The following MAD1L1 variants were observed in gnomAD, a reference collection of about 807,000 sequenced individuals.
MAD1L1 encodes mitotic arrest deficient 1 like 1, also known as mitotic spindle assembly checkpoint protein MAD1.
MAD1L1 carries 95 observed loss-of-function variants against 96.9 expected under a neutral mutation model. That is an observed-to-expected ratio of 0.98 (90% CI 0.83 to 1.16). The LOEUF is 1.16. MAD1L1 is among the 50% of genes most tolerant of loss of function. The pLI is 0.00. For synonymous variants in MAD1L1, 473 were observed against 396.6 expected, an observed-to-expected ratio of 1.19 and a Z score of -2.29; for missense variants, 1,007 against 954.4, an observed-to-expected ratio of 1.06 and a Z score of -0.73.
At chr7:2,065,536 C>T (rs1784842167) in intron 12 of MAD1L1, among the ~76,000 whole-genome samples, 1 of 152,198 alleles carries the variant, frequency 6.6e-6, no homozygotes, top group African/African-American at 2.4e-5. Context: ...CGTCACCAAC[C>T]CCAGCTTCGG....
intron 16 of MAD1L1, among the ~76,000 whole-genome samples, chr7:1,955,405 C>G (rs1779682637): frequency 6.6e-6 from 1 of 152,208 alleles, no homozygotes; most frequent in African/African-American, 2.4e-5. Context: ...ATTCTCCTGC[C>G]TCAGCCTCCT....
In MAD1L1 at chr7:2,216,264, C is replaced by T. The variant is rs756914626; in HGVS notation, c.702G>A (p.Leu234=). Residue 234 remains leucine, a synonymous_variant, in exon 8 of 19, where the codon CTG becomes CTA. Coordinates refer to ENST00000265854, the MANE Select transcript of MAD1L1 (RefSeq NM_001013836.2). The part of the protein sequence containing the change: ...QIKDLEQKLS[L]QEQDAAIVKN... ...TCACAATCGCTGCATCCTGCTCTTG[C>T]AGGGACAGCTTCTGCTCCAGATCCT... 6.2e-7 allele frequency: 1 copy of T among 1,614,068 alleles called. No individual in the cohort carries two copies.
At chr7:2,002,224 T>C in intron 13 of MAD1L1, 103 bp from the exon 14 acceptor site, 1 of 1,183,822 alleles carries the variant, frequency 8.4e-7, no homozygotes, top group Non-Finnish European at 1.2e-6. Context: ...CTCCACTCTC[T>C]GGGGAGCAAC....
At chr7:2,019,067 A>G (rs1281401524) in intron 12 of MAD1L1, among the ~76,000 whole-genome samples, 2 of 152,194 alleles carry the variant, frequency 1.3e-5, no homozygotes. Flanking sequence ...CAAGAAACTG[A>G]ATAGATTCAG....
intron 16 of MAD1L1, among the ~76,000 whole-genome samples, chr7:1,942,016 C>G (rs1438030096): frequency 2.6e-5 from 4 of 152,186 alleles, no homozygotes; most frequent in Non-Finnish European, 5.9e-5. Flanking sequence ...ACCACCCACC[C>G]GCTCACGTCC....
intron 17 of MAD1L1, among the ~76,000 whole-genome samples, chr7:1,904,560 AGT>A: frequency 7.7e-6 from 1 of 129,332 alleles, no homozygotes; most frequent in East Asian, 2.2e-4. Context: ...GCGAGGACGC[AGT>A]GGCCTACGGA....
intron 10 of MAD1L1, among the ~76,000 whole-genome samples, chr7:2,173,201 C>T (rs1007036171): frequency 2.0e-5 from 3 of 152,326 alleles, no homozygotes; most frequent in South Asian, 4.1e-4. Flanking sequence ...TTCCTCTAGA[C>T]GATAGGCTTT....
At position 1,995,756 on chromosome 7, in the gene MAD1L1, G is replaced by T. The variant is rs1208449986; in HGVS notation, c.1416+6309C>A. 2.0e-5 allele frequency among the ~76,000 whole-genome samples: 3 copies of T among 152,154 alleles called. No homozygotes were observed. The East Asian group carries it at 5.8e-4, about 29-fold the overall frequency. On this transcript the variant is annotated intron_variant, in intron 14 of 18. Coordinates refer to ENST00000265854, the MANE Select transcript of MAD1L1 (RefSeq NM_001013836.2). ...AGCGTGAACTGAACAGGTTTCCAGG[G>T]ACCAGGAGGCTGCCAGCAGCCATAC...
At chr7:1,883,706 G>T (rs148138776) in intron 18 of MAD1L1, among the ~76,000 whole-genome samples, 1 of 152,210 alleles carries the variant, frequency 6.6e-6, no homozygotes, top group Non-Finnish European at 1.5e-5. Flanking sequence ...ATTTCACGGA[G>T]GCCGAGGCAG....
At chr7:1,833,701 G>A (rs187306423) in intron 18 of MAD1L1, among the ~76,000 whole-genome samples, 218 of 152,328 alleles carry the variant, frequency 1.4e-3, no homozygotes, top group Middle Eastern at 0.01. Context: ...AGCACTTTGG[G>A]AGGCCGAGGC....
chr7:1,912,523 C>T (rs1788087256), intron 17 of MAD1L1, among the ~76,000 whole-genome samples: 1 of 152,202 alleles, frequency 6.6e-6, no homozygotes, highest in African/African-American at 2.4e-5. Context: ...CTCACGGCTC[C>T]TCCTGGCACA....
At chr7:2,085,395 G>C (rs756910521) in intron 11 of MAD1L1, among the ~76,000 whole-genome samples, 1 of 152,204 alleles carries the variant, frequency 6.6e-6, no homozygotes, top group African/African-American at 2.4e-5. Flanking sequence ...GGAGAGCAGC[G>C]CATGTAGCTG....
intron 11 of MAD1L1, among the ~76,000 whole-genome samples, chr7:2,118,673 A>G (rs1016966175): frequency 6.6e-6 from 1 of 152,028 alleles, no homozygotes; most frequent in African/African-American, 2.4e-5. Flanking sequence ...GCCCCTGCCC[A>G]CATACTGCTG....
At position 2,147,691 on chromosome 7, in the gene MAD1L1, C is replaced by G. The variant is rs139812884; in HGVS notation, c.1073+1461G>C. On this transcript the variant is annotated intron_variant, in intron 11 of 18. Coordinates refer to ENST00000265854, the MANE Select transcript of MAD1L1 (RefSeq NM_001013836.2). ...ACAGGTCCTGAGAGGCCAGCCACAG[C>G]TGGGGTTGTGAGGACCACCTGCCCA... is the stretch of plus-strand genomic sequence containing the variant. Among the ~76,000 whole-genome samples, 339 of 152,364 alleles carry G rather than the reference C, an allele frequency of 2.2e-3. 1 individual carries two copies. Among genetic ancestry groups the G allele is most frequent in the Non-Finnish European group, 4.2e-3 (285 of 68,034 alleles).
At chr7:1,884,720 T>C (rs942246385) in intron 18 of MAD1L1, among the ~76,000 whole-genome samples, 9 of 152,134 alleles carry the variant, frequency 5.9e-5, no homozygotes, top group African/African-American at 2.2e-4. Flanking sequence ...ATGGGAAGAC[T>C]GTGTGGAGCG....
At chr7:2,002,000 G>A (rs1451094852) in intron 14 of MAD1L1, 65 bp downstream of exon 14, 19 of 1,552,542 alleles carry the variant, frequency 1.2e-5, no homozygotes, top group African/African-American at 2.7e-5. Flanking sequence ...TATGGGGACA[G>A]GCGTCCCTGC....
In MAD1L1 at chr7:2,151,237, G is replaced by T. The variant is rs191831343; in HGVS notation, c.987-1999C>A. Among the ~76,000 whole-genome samples the T allele has an allele frequency of 3.3e-5, 5 of 152,356 alleles. No individual in the cohort carries two copies. The East Asian group carries it at 9.6e-4, about 29-fold the overall frequency. ...TAAATTTTCACTAACTCAGTGCAAAGAATTTATTTACAACAAATAAATAAA... is the reference window on the plus strand; with the variant it reads ...TAAATTTTCACTAACTCAGTGCAAATAATTTATTTACAACAAATAAATAAA... On this transcript the variant is annotated intron_variant, in intron 10 of 18. Transcript: ENST00000265854.
At position 2,114,086 on chromosome 7, in the gene MAD1L1, C is replaced by CT; in HGVS notation, c.1073+35065dup. Among the ~76,000 whole-genome samples the CT allele has an allele frequency of 6.6e-6, 1 of 152,230 alleles. No homozygotes were observed. ...ACCCAGGCCTTACAGCTTCTGATAA[C>CT]TGTACACGGGCTCACAAGACGTTAC... On this transcript the variant is annotated intron_variant, in intron 11 of 18. Transcript: ENST00000265854. This position sits in a 1 kb window ranked among gnomAD's most constrained non-coding sequence, Gnocchi z 4.2.
intron 18 of MAD1L1, chr7:1,845,605 ATGCGTCCGGCTCTGGTT>A: frequency 1.5e-5 from 2 of 135,658 alleles, no homozygotes; most frequent in African/African-American, 5.6e-5. Context: ...CCACGCAGAC[ATGCGTCCGGCTCTGGTT>A]CACGGGGAAG....
Sources: allele counts gnomAD v4.1 joint callset (sites outside exome capture counted in the v4.1 genomes callset), GRCh38; gene constraint gnomAD v4.1.1; non-coding constraint Gnocchi (gnomAD v3.1); transcripts MANE v1.5; gene names NCBI Gene and HGNC (gene_info 2026-07-23, HGNC 2026-07-21).